Variants in GYS2 observed in about 807,000 individuals in gnomAD.
GYS2 encodes glycogen [starch] synthase, liver.
A neutral mutation model predicts 85.6 loss-of-function variants in GYS2; 80 were observed. That is an observed-to-expected ratio of 0.93 (90% confidence interval 0.78 to 1.13). The LOEUF (loss-of-function observed/expected upper bound fraction) is 1.13, where lower values mean the gene tolerates loss of function less well. Ranked by LOEUF, GYS2 falls within the 50% of genes most tolerant of loss-of-function variation. The probability of loss-of-function intolerance (pLI) is 0.00; values close to 1 mark genes in which losing one functional copy is unlikely to be tolerated. For synonymous variants in GYS2, 328 were observed against 300.7 expected (o/e 1.09, Z -0.94); for missense variants, 881 against 854.9 (o/e 1.03, Z -0.38).
chr12:21,542,628 C>T (rs1305649283), intron 12 of GYS2, 37 bp from the exon 13 acceptor site: 1 of 1,390,084 alleles, frequency 7.2e-7, no homozygotes, highest in Non-Finnish European at 1.0e-6. Context: ...GGCTTCAGAC[C>T]AGCGCCTATA....
At chr12:21,571,486 TAATC>T in intron 4 of GYS2, among the ~76,000 whole-genome samples, 1 of 152,280 alleles carries the variant, frequency 6.6e-6, no homozygotes, top group East Asian at 1.9e-4. Context: ...AAGTACATAT[TAATC>T]AATAAAACAC....
chr12:21,582,091 A>C (rs1295598288), intron 1 of GYS2, among the ~76,000 whole-genome samples: 2 of 152,200 alleles, frequency 1.3e-5, no homozygotes, highest in Non-Finnish European at 2.9e-5. Flanking sequence ...AAAAATTGCA[A>C]ACTATGAATG....
chr12:21,562,717 A>C (rs977756236), intron 7 of GYS2, among the ~76,000 whole-genome samples: 11 of 127,444 alleles, frequency 8.6e-5, no homozygotes, highest in African/African-American at 2.8e-4. Context: ...AAAAAAAAAA[A>C]AAAAGATGAC....
chr12:21,558,093 T>C lies in GYS2; in HGVS notation c.1422+107A>G. 5.3e-6 allele frequency: 4 copies of C among 756,508 alleles called. No individual in the cohort carries two copies. In the South Asian group the frequency reaches 6.1e-5, roughly 12 times the overall value. 46.9% of individuals were successfully genotyped at this position (756,508 alleles called of 1,614,324 possible). On this transcript the variant is annotated intron_variant, in intron 11 of 15. Transcript: ENST00000261195. Reference sequence around the variant, plus strand: ...CTGAACCCATTTTCCTTTAAAATACTTAAAATATTTCTTGTAGATGTAAAA... The same window carrying C: ...CTGAACCCATTTTCCTTTAAAATACCTAAAATATTTCTTGTAGATGTAAAA...
At chr12:21,571,310 A>C (rs982539246) in intron 4 of GYS2, among the ~76,000 whole-genome samples, 5 of 152,192 alleles carry the variant, frequency 3.3e-5, no homozygotes, top group African/African-American at 1.2e-4. Flanking sequence ...CCATTCTTCC[A>C]CATATTTATG....
intron 2 of GYS2, among the ~76,000 whole-genome samples, chr12:21,577,650 T>C (rs904095780): frequency 6.6e-6 from 1 of 152,170 alleles, no homozygotes; most frequent in Non-Finnish European, 1.5e-5. Flanking sequence ...GGATCTCAAT[T>C]TCCCTTGTAA....
chr12:21,537,230 G>A (rs1943920779), intron 15 of GYS2, 55 bp from the exon 16 acceptor site: 9 of 1,257,302 alleles, frequency 7.2e-6, no homozygotes, highest in Middle Eastern at 1.9e-4. Context: ...GGCTTTCAAC[G>A]ATGTAAATAC....
At position 21,580,417 on chromosome 12, in the gene GYS2, A is replaced by G. The variant is rs538156292; in HGVS notation, c.228T>C (p.Thr76=). 6.2e-7 allele frequency: 1 copy of G among 1,613,660 alleles called. No individual in the cohort carries two copies. Among genetic ancestry groups the G allele is most frequent in the African/African-American group, 1.3e-5 (1 of 75,036 alleles). The change falls in exon 2 of 16, where the codon ACT becomes ACC. Residue 76 remains threonine, a synonymous_variant. Transcript: ENST00000261195. ...IGPYFEHNMK[T]QVEQCEPVND... The stretch of plus-strand genomic sequence containing the variant: ...TTACAGGTTCACACTGTTCCACCTG[A>G]GTCTTCATATTATGCTCAAAATATG...
intron 1 of GYS2, among the ~76,000 whole-genome samples, chr12:21,595,605 T>C (rs1208759395): frequency 6.8e-6 from 1 of 146,766 alleles, no homozygotes; most frequent in African/African-American, 2.5e-5. Context: ...AATGCTCCAC[T>C]TAAAAGGGTG....
At position 21,563,256 on chromosome 12, in the gene GYS2, G is replaced by T. The variant is rs746701510; in HGVS notation, c.913C>A (p.Gln305Lys). ...NLHAMYKARIQDFVRGHFYGH... is the reference protein window; with the variant it reads ...NLHAMYKARIKDFVRGHFYGH... ...TAGAAATGACCTCGAACAAAATCTT[G>T]GATTCTGGCCTTGTACATGGCATGT... is the stretch of plus-strand genomic sequence containing the variant. The change falls in exon 6 of 16, where the codon CAA (glutamine) becomes AAA (lysine). Residue 305 changes from glutamine to lysine, a missense_variant. Physicochemically the swap from Gln to Lys is moderately conservative, Grantham distance 53. Transcript: ENST00000261195. 4.4e-6 allele frequency: 7 copies of T among 1,608,232 alleles called. No individual in the cohort carries two copies. Among genetic ancestry groups the T allele is most frequent in the Non-Finnish European group, 6.0e-6 (7 of 1,174,984 alleles).
chr12:21,568,486 A>AT (rs1282333768), intron 5 of GYS2, among the ~76,000 whole-genome samples: 1 of 152,244 alleles, frequency 6.6e-6, no homozygotes, highest in Admixed American at 6.5e-5. Context: ...CAATGAGGCA[A>AT]TATTACAAGA....
In GYS2 at chr12:21,536,846, C is replaced by G. The variant is rs1045514625; in HGVS notation, c.*108G>C. On this transcript the variant is annotated 3_prime_UTR_variant, in exon 16 of 16. Coordinates refer to ENST00000261195, the MANE Select transcript of GYS2 (RefSeq NM_021957.4). ...CCACTTTTTAGGCAGAGAATAAACT[C>G]CATTGTAATACTTAGAAGGAGAAAA... 1.3e-6 allele frequency: 1 copy of G among 777,010 alleles called. No individual in the cohort carries two copies. Among genetic ancestry groups the G allele is most frequent in the Non-Finnish European group, 2.2e-6 (1 of 449,818 alleles). 48.1% of individuals were successfully genotyped at this position (777,010 alleles called of 1,614,324 possible).
downstream of GYS2, among the ~76,000 whole-genome samples, chr12:21,533,839 A>G (rs1943886545): frequency 1.3e-5 from 2 of 152,188 alleles, no homozygotes; most frequent in Admixed American, 1.3e-4. Context: ...ATTTCTCACA[A>G]TTCTGGAGCC....
chr12:21,575,793 T>A, intron 3 of GYS2, 73 bp downstream of exon 3: 5 of 1,143,698 alleles, frequency 4.4e-6, no homozygotes, highest in Non-Finnish European at 4.0e-6. Flanking sequence ...CATTTAAAGA[T>A]CATGGGATCA....
chr12:21,600,667 G>A (rs1028712340), intron 1 of GYS2, among the ~76,000 whole-genome samples: 5 of 152,076 alleles, frequency 3.3e-5, no homozygotes, highest in Admixed American at 3.3e-4. Context: ...TGATGGAAGT[G>A]TGAAGTCCTC....
At chr12:21,546,797 T>C (rs762811518) in intron 11 of GYS2, among the ~76,000 whole-genome samples, 1 of 152,188 alleles carries the variant, frequency 6.6e-6, no homozygotes, top group African/African-American at 2.4e-5. Context: ...ATAAACCTTA[T>C]ATTTGGTTAT....
At position 21,573,026 on chromosome 12, in the gene GYS2, C is replaced by A. The variant is rs185476408; in HGVS notation, c.678+1118G>T. ...CCCAGATCCCCAGGCTTTCTGAATT[C>A]CTTGGTGATTTTATTTTAAATGTAC... On this transcript the variant is annotated intron_variant, in intron 4 of 15. Transcript: ENST00000261195. Among the ~76,000 whole-genome samples, 224 of 152,194 alleles carry A rather than the reference C, an allele frequency of 1.5e-3. 1 individual carries two copies. The highest frequency in any genetic ancestry group is 3.4e-3 in the Middle Eastern group (1 of 294).
chr12:21,559,079 T>C lies in GYS2; in HGVS notation c.1308+12A>G, dbSNP rs1944219377. ...AACTATGGGACATAGTGGGTGCTTTTTTCCTTATTACCTGAGTTGAAAAGA... is the reference window on the plus strand; with the variant it reads ...AACTATGGGACATAGTGGGTGCTTTCTTCCTTATTACCTGAGTTGAAAAGA... On this transcript the variant is annotated intron_variant, in intron 10 of 15. Coordinates refer to ENST00000261195, the MANE Select transcript of GYS2 (RefSeq NM_021957.4). 4.6e-6 allele frequency: 7 copies of C among 1,524,924 alleles called. No individual in the cohort carries two copies. The Admixed American group carries it at 5.0e-5, about 11-fold the overall frequency. The allele number at this position is 1,524,924 out of a possible 1,614,324, so 94.5% of individuals were successfully genotyped here. A position where few individuals can be genotyped will look rare whatever the true frequency, so the allele number is the denominator to read the frequency against.
intron 9 of GYS2, among the ~76,000 whole-genome samples, 157 bp from the exon 10 acceptor site, chr12:21,559,326 GTACATATTTAA>G (rs71539429): frequency 0.021 from 3,164 of 152,002 alleles, 62 homozygotes; most frequent in Non-Finnish European, 0.03. Flanking sequence ...TAATATTTAA[GTACATATTTAA>G]TACACATTGT....
Sources: allele counts gnomAD v4.1 joint callset (sites outside exome capture counted in the v4.1 genomes callset), GRCh38; gene constraint gnomAD v4.1.1; transcripts MANE v1.5; gene names NCBI Gene and HGNC (gene_info 2026-07-23, HGNC 2026-07-21).